Variants in ZFYVE9 observed in about 807,000 individuals in gnomAD.
The protein encoded by ZFYVE9 is zinc finger FYVE domain-containing protein 9.
Under a neutral mutation model 126.7 loss-of-function variants are expected in ZFYVE9, and 43 were observed. That is an observed-to-expected ratio of 0.34 (90% CI 0.27 to 0.44). The LOEUF (loss-of-function observed/expected upper bound fraction) is 0.44, where lower values mean the gene tolerates loss of function less well. ZFYVE9 is among the 20% of genes least tolerant of loss of function. The pLI is 1.00. For synonymous variants in ZFYVE9, 521 were observed against 597.4 expected (o/e 0.87, Z 1.87); for missense variants, 1,476 against 1,697.0 (o/e 0.87, Z 2.29).
At chr1:52,204,115 C>A (rs1452874325) in intron 1 of ZFYVE9, among the ~76,000 whole-genome samples, 2 of 149,608 alleles carry the variant, frequency 1.3e-5, no homozygotes, top group Non-Finnish European at 3.0e-5. Context: ...GCCTTGTAAT[C>A]TTTTCTTGAT....
intron 17 of ZFYVE9, among the ~76,000 whole-genome samples, chr1:52,342,512 C>T (rs1481478374): frequency 2.0e-5 from 3 of 148,764 alleles, no homozygotes; most frequent in Non-Finnish European, 3.0e-5. Flanking sequence ...CCTCGCAATC[C>T]GCCCGTCTTG....
intron 1 of ZFYVE9, chr1:52,180,063 C>G: frequency 2.4e-6 from 2 of 841,452 alleles, no homozygotes; most frequent in Non-Finnish European, 4.2e-6. Context: ...GTACAGACAG[C>G]AGAGACTGGC....
At position 52,180,383 on chromosome 1, in the gene ZFYVE9, G is replaced by A. The variant is rs959609379; in HGVS notation, c.-142-35986G>A. The A allele has an allele frequency of 5.2e-6, 8 of 1,534,148 alleles. No individual in the cohort carries two copies. The African/African-American group carries it at 9.5e-5, about 18-fold the overall frequency. On this transcript the variant is annotated intron_variant, in intron 1 of 18. Transcript: ENST00000287727. ...AGGCTCAGTTTATTGGTCCTCTGGT[G>A]TTTGGCGGCATTAACCTGACAAGAG...
chr1:52,174,761 G>A (rs1202581490), intron 1 of ZFYVE9, among the ~76,000 whole-genome samples: 7 of 151,970 alleles, frequency 4.6e-5, no homozygotes, highest in Non-Finnish European at 1.0e-4. Flanking sequence ...TTATGTAATG[G>A]CCTTCTTTGT....
In ZFYVE9 at chr1:52,233,225, G is replaced by C. The variant is rs1219192383; in HGVS notation, c.19G>C (p.Ala7Pro). ...CTCACCGATGGAGAATTACTTCCAAGCAGAAGCTTACAACCTGGACAAGGT... is the reference window on the plus strand; with the variant it reads ...CTCACCGATGGAGAATTACTTCCAACCAGAAGCTTACAACCTGGACAAGGT... MENYFQ[A>P]EAYNLDKVLD... The change falls in exon 3 of 19, where the codon GCA becomes CCA. Residue 7 changes from alanine to proline, a missense_variant. Transcript: ENST00000287727. The C allele has an allele frequency of 6.3e-7, 1 of 1,582,758 alleles. No individual in the cohort carries two copies. Among genetic ancestry groups the C allele is most frequent in the East Asian group, 2.3e-5 (1 of 44,036 alleles).
At chr1:52,171,970 A>G (rs1301952907) in intron 1 of ZFYVE9, among the ~76,000 whole-genome samples, 3 of 152,058 alleles carry the variant, frequency 2.0e-5, no homozygotes, top group Non-Finnish European at 2.9e-5. Context: ...CTCTGATGGT[A>G]GTTTCTTTTG....
chr1:52,148,346 T>C (rs1644323426), intron 1 of ZFYVE9, among the ~76,000 whole-genome samples: 1 of 151,552 alleles, frequency 6.6e-6, no homozygotes, highest in Admixed American at 6.6e-5. Context: ...AAATCACCAC[T>C]ATATGGTGGC....
At chr1:52,266,405 T>TAAAAA (rs33996604) in intron 5 of ZFYVE9, among the ~76,000 whole-genome samples, 6 of 85,628 alleles carry the variant, frequency 7.0e-5, no homozygotes, top group African/African-American at 2.4e-4. Flanking sequence ...TCTAATTCTT[T>TAAAAA]AAAAAAAAAA....
At chr1:52,273,911 CT>C (rs1267479087) in intron 7 of ZFYVE9, among the ~76,000 whole-genome samples, 7 of 151,354 alleles carry the variant, frequency 4.6e-5, no homozygotes, top group African/African-American at 1.7e-4. Context: ...ATTTTTTTCC[CT>C]TTTTTATTGT....
intron 5 of ZFYVE9, among the ~76,000 whole-genome samples, chr1:52,264,686 G>A (rs1645615876): frequency 6.6e-6 from 1 of 152,210 alleles, no homozygotes; most frequent in African/African-American, 2.4e-5. Context: ...AGGATAGTGT[G>A]CCTCCTGGAG....
chr1:52,202,101 T>C (rs183201521), intron 1 of ZFYVE9, among the ~76,000 whole-genome samples: 468 of 152,312 alleles, frequency 3.1e-3, no homozygotes, highest in Non-Finnish European at 4.2e-3. Flanking sequence ...ATTATTGATA[T>C]AATCTCCTTC....
At position 52,346,580 on chromosome 1, in the gene ZFYVE9, A is replaced by T; in HGVS notation, c.*359A>T. On this transcript the variant is annotated 3_prime_UTR_variant, in exon 19 of 19. Transcript: ENST00000287727. ...GCTCAGAAATGCTCAAATGGGTACA[A>T]CCATCACCAAGGGTGGGATGGGAGG... 2.5e-6 allele frequency: 1 copy of T among 397,844 alleles called. No individual in the cohort carries two copies. Among genetic ancestry groups the T allele is most frequent in the Non-Finnish European group, 4.4e-6 (1 of 225,650 alleles). 24.6% of individuals were successfully genotyped at this position (397,844 alleles called of 1,614,324 possible).
chr1:52,181,373 G>A (rs1355740422), intron 1 of ZFYVE9, among the ~76,000 whole-genome samples: 2 of 152,250 alleles, frequency 1.3e-5, no homozygotes, highest in East Asian at 1.9e-4. Context: ...ACGGAGTCTG[G>A]TTCACTCAGT....
chr1:52,153,968 G>A (rs569851407), intron 1 of ZFYVE9, among the ~76,000 whole-genome samples: 1 of 152,294 alleles, frequency 6.6e-6, no homozygotes, highest in East Asian at 1.9e-4. Flanking sequence ...TTTTGTCTCT[G>A]AGCTAGTACA....
intron 4 of ZFYVE9, among the ~76,000 whole-genome samples, chr1:52,255,933 C>CTTTTCTTTTCTT (rs1436513165): frequency 8.1e-6 from 1 of 123,260 alleles, no homozygotes; most frequent in African/African-American, 4.0e-5. Context: ...CTTTTCTTTT[C>CTTTTCTTTTCTT]TTTTCTTTTC....
intron 1 of ZFYVE9, among the ~76,000 whole-genome samples, chr1:52,181,949 G>GGT (rs1415513309): frequency 2.0e-5 from 3 of 151,564 alleles, no homozygotes; most frequent in African/African-American, 7.3e-5. Flanking sequence ...CGGGGAGGGA[G>GGT]GTGGGGGTCA....
At chr1:52,319,867 G>A (rs890562131) in intron 13 of ZFYVE9, among the ~76,000 whole-genome samples, 2 of 150,630 alleles carry the variant, frequency 1.3e-5, no homozygotes, top group African/African-American at 4.9e-5. Flanking sequence ...ACAAAAATAA[G>A]CTGGGCGTGG....
chr1:52,346,032 C>G, intron 18 of ZFYVE9, 28 bp from the exon 19 acceptor site: 1 of 1,554,276 alleles, frequency 6.4e-7, no homozygotes, highest in Non-Finnish European at 8.7e-7. Context: ...GTTCAGTAAC[C>G]TCTCCTCCTT....
chr1:52,218,518 G>A (rs1645093528), intron 2 of ZFYVE9, among the ~76,000 whole-genome samples: 1 of 152,196 alleles, frequency 6.6e-6, no homozygotes, highest in Non-Finnish European at 1.5e-5. Flanking sequence ...CCCAGGCTGT[G>A]GGGTGCTGGA....
Sources: gnomAD v4.1 joint callset for allele counts (sites outside exome capture counted in the v4.1 genomes callset) on GRCh38, gnomAD v4.1.1 for gene constraint, MANE v1.5 for transcripts, NCBI Gene and HGNC (gene_info 2026-07-23, HGNC 2026-07-21) for gene names.